The following CTNNA3 variants were observed in gnomAD, a reference collection of about 807,000 sequenced individuals.
The protein encoded by CTNNA3 is catenin alpha-3.
In CTNNA3, 76 loss-of-function variants were observed where a neutral mutation model predicts 95.7. That is an observed-to-expected ratio of 0.79 (90% CI 0.66 to 0.96). The LOEUF is 0.96. Among genes scored for constraint, CTNNA3 ranks in the 40% least tolerant of loss-of-function variants. The pLI is 0.00. For missense variants in CTNNA3, 1,191 were observed against 1,089.8 expected (o/e 1.09, Z -1.31); for synonymous variants, 431 against 374.4 (o/e 1.15, Z -1.74).
In CTNNA3 at chr10:66,123,902, C is replaced by T. The variant is rs144568302; in HGVS notation, c.1885-20653G>A. 5.2e-3 allele frequency among the ~76,000 whole-genome samples: 798 copies of T among 152,254 alleles called. 2 individuals are homozygous for T. The highest frequency in any genetic ancestry group is 0.013 in the African/African-American group (527 of 41,566). On this transcript the variant is annotated intron_variant, in intron 13 of 17. Coordinates refer to ENST00000433211, the MANE Select transcript of CTNNA3 (RefSeq NM_013266.4). ...GCACAGGGACCCTGGGCCTGGCCCACGAAACCACTTTGTCCTCCTAGGCCT... is the reference window on the plus strand; with the variant it reads ...GCACAGGGACCCTGGGCCTGGCCCATGAAACCACTTTGTCCTCCTAGGCCT...
intron 5 of CTNNA3, among the ~76,000 whole-genome samples, chr10:67,413,370 G>C (rs2132845744): frequency 6.6e-6 from 1 of 152,150 alleles, no homozygotes; most frequent in South Asian, 2.1e-4. Context: ...TAACAATAAA[G>C]GATACAGTCC....
intron 5 of CTNNA3, among the ~76,000 whole-genome samples, chr10:67,229,299 G>T (rs986940000): frequency 6.6e-6 from 1 of 152,072 alleles, no homozygotes; most frequent in African/African-American, 2.4e-5. Context: ...AGGAAAATCG[G>T]CATACAAGGG....
At chr10:66,724,340 A>T (rs889662345) in intron 9 of CTNNA3, among the ~76,000 whole-genome samples, 1 of 152,200 alleles carries the variant, frequency 6.6e-6, no homozygotes, top group African/African-American at 2.4e-5. Flanking sequence ...TTCCCATTGC[A>T]GTTAACAAAT....
chr10:65,971,085 G>T (rs921522803), intron 16 of CTNNA3, among the ~76,000 whole-genome samples: 13 of 150,824 alleles, frequency 8.6e-5, no homozygotes, highest in African/African-American at 3.2e-4. Flanking sequence ...TGAAATTAAG[G>T]CAGTAACCAA....
intron 11 of CTNNA3, among the ~76,000 whole-genome samples, chr10:66,453,733 T>C (rs1458225739): frequency 6.6e-6 from 1 of 152,180 alleles, no homozygotes; most frequent in Non-Finnish European, 1.5e-5. Flanking sequence ...AATAGGATGC[T>C]AGATGTAATT....
At chr10:66,828,989 G>C (rs919081178) in intron 7 of CTNNA3, among the ~76,000 whole-genome samples, 1 of 152,214 alleles carries the variant, frequency 6.6e-6, no homozygotes, top group African/African-American at 2.4e-5. Context: ...TGACAGCCAG[G>C]TAGCTTGTTG....
rs148515052 is a variant in CTNNA3, at chr10:67,427,023, C to T, written c.579+94819G>A. ...TCATTTCTTATTATTTAACTTAGTG[C>T]GTGGTAATTAATTTTTAATTTATAA... On this transcript the variant is annotated intron_variant, in intron 5 of 17. Transcript: ENST00000433211. Among the ~76,000 whole-genome samples, 136 of 151,964 alleles carry T rather than the reference C, an allele frequency of 8.9e-4. 1 individual carries two copies. The highest frequency in any genetic ancestry group is 2.9e-3 in the African/African-American group (122 of 41,482).
intron 13 of CTNNA3, among the ~76,000 whole-genome samples, chr10:66,203,428 A>T (rs7920624): frequency 0.41 from 61,788 of 151,904 alleles, 14,716 homozygotes; most frequent in South Asian, 0.58. Context: ...TTCTGAAAGG[A>T]TTTTTCTGAG....
chr10:67,421,827 T>C (rs1002302011), intron 5 of CTNNA3, among the ~76,000 whole-genome samples: 3 of 152,138 alleles, frequency 2.0e-5, no homozygotes, highest in Non-Finnish European at 2.9e-5. Context: ...AAAATACTGA[T>C]ATAAACAAAC....
intron 13 of CTNNA3, among the ~76,000 whole-genome samples, chr10:66,126,228 G>T (rs1045435721): frequency 2.6e-5 from 4 of 152,168 alleles, no homozygotes; most frequent in Admixed American, 6.5e-5. Flanking sequence ...TAAGGGTACA[G>T]GTTAATGATT....
chr10:67,104,122 T>C (rs1370264713), intron 7 of CTNNA3, among the ~76,000 whole-genome samples: 1 of 151,744 alleles, frequency 6.6e-6, no homozygotes, highest in African/African-American at 2.4e-5. Flanking sequence ...AACCTTCAAC[T>C]GGCTGAAAAA....
At chr10:66,160,126 C>G (rs2084764631) in intron 13 of CTNNA3, among the ~76,000 whole-genome samples, 1 of 151,670 alleles carries the variant, frequency 6.6e-6, no homozygotes, top group South Asian at 2.1e-4. Flanking sequence ...TTCAAAGGAC[C>G]CGTTTTTTGT....
intron 7 of CTNNA3, among the ~76,000 whole-genome samples, chr10:66,836,906 T>C (rs1017601780): frequency 2.0e-5 from 3 of 152,162 alleles, no homozygotes; most frequent in African/African-American, 7.2e-5. Flanking sequence ...ATTTTTTTAA[T>C]GCAATTAATG....
chr10:66,009,724 C>T (rs1447603629), intron 15 of CTNNA3, among the ~76,000 whole-genome samples: 1 of 152,092 alleles, frequency 6.6e-6, no homozygotes, highest in African/African-American at 2.4e-5. Context: ...GATTGTCACC[C>T]CTTTCTACCT....
intron 11 of CTNNA3, among the ~76,000 whole-genome samples, chr10:66,504,426 G>A (rs1911347): frequency 0.15 from 23,205 of 152,086 alleles, 1,855 homozygotes; most frequent in Non-Finnish European, 0.17. Flanking sequence ...ACAACAACTC[G>A]TAAAATCAGA....
intron 16 of CTNNA3, among the ~76,000 whole-genome samples, chr10:65,968,884 G>T: frequency 6.6e-6 from 1 of 152,104 alleles, no homozygotes; most frequent in East Asian, 1.9e-4. Flanking sequence ...CTTCAGCACC[G>T]GTGCTCATGC....
intron 13 of CTNNA3, among the ~76,000 whole-genome samples, chr10:66,132,272 T>C (rs190132010): frequency 2.3e-4 from 35 of 152,216 alleles, no homozygotes; most frequent in African/African-American, 8.4e-4. Context: ...AAAGAAGACA[T>C]ACATGCGTCC....
At chr10:66,094,570 C>T (rs935466017) in intron 14 of CTNNA3, among the ~76,000 whole-genome samples, 1 of 152,004 alleles carries the variant, frequency 6.6e-6, no homozygotes, top group African/African-American at 2.4e-5. Context: ...TGAATGTTCC[C>T]CTCCGCTTGA....
chr10:66,912,161 T>C (rs935249175), intron 7 of CTNNA3, among the ~76,000 whole-genome samples: 7 of 152,094 alleles, frequency 4.6e-5, no homozygotes, highest in Admixed American at 4.6e-4. Flanking sequence ...CTATTTGAAG[T>C]TTAAATTTAC....
Sources: allele counts gnomAD v4.1 joint callset (sites outside exome capture counted in the v4.1 genomes callset), GRCh38; gene constraint gnomAD v4.1.1; transcripts MANE v1.5; gene names NCBI Gene and HGNC (gene_info 2026-07-23, HGNC 2026-07-21).